The following PHACTR1 variants were observed in gnomAD, a reference collection of about 807,000 sequenced individuals.
The protein encoded by PHACTR1 is phosphatase and actin regulator 1, also known as RPEL repeat containing 1.
A neutral mutation model predicts 69.2 loss-of-function variants in PHACTR1; 16 were observed. The observed-to-expected ratio is 0.23, with a 90% CI of 0.16 to 0.35. The LOEUF is 0.35. Ranked by LOEUF, PHACTR1 falls within the 10% of genes least tolerant of loss-of-function variation. The probability of loss-of-function intolerance (pLI) is 1.00; values close to 1 mark genes in which losing one functional copy is unlikely to be tolerated. For synonymous variants in PHACTR1, 312 were observed against 284.5 expected (o/e 1.10, Z -0.97); for missense variants, 510 against 734.7 (o/e 0.69, Z 3.54).
intron 4 of PHACTR1, among the ~76,000 whole-genome samples, chr6:12,789,553 C>G (rs1230056200): frequency 1.3e-5 from 2 of 152,058 alleles, no homozygotes; most frequent in Admixed American, 1.3e-4. Context: ...CTCTTCCAGA[C>G]TCTATACTCA....
intron 4 of PHACTR1, among the ~76,000 whole-genome samples, chr6:13,031,431 A>G (rs1168578172): frequency 6.6e-6 from 1 of 152,262 alleles, no homozygotes; most frequent in African/African-American, 2.4e-5. Flanking sequence ...AGCAACATTG[A>G]ATGTGGTTAT....
chr6:12,876,380 C>T (rs1489507179), intron 4 of PHACTR1, among the ~76,000 whole-genome samples: 2 of 152,208 alleles, frequency 1.3e-5, no homozygotes, highest in East Asian at 3.8e-4. Flanking sequence ...ATATCATTAT[C>T]ATTCCCAGTT....
Position 13,079,543 on chromosome 6 carries a change from G to A in PHACTR1, c.415+26014G>A, listed in dbSNP as rs200424180. Among the ~76,000 whole-genome samples the A allele has an allele frequency of 3.9e-5, 6 of 152,106 alleles. No individual in the cohort carries two copies. In the East Asian group the frequency reaches 7.8e-4, roughly 20 times the overall value. On this transcript the variant is annotated intron_variant, in intron 5 of 14. Coordinates refer to ENST00000332995, the MANE Select transcript of PHACTR1 (RefSeq NM_030948.6). ...TCACTCCTCTCGCTACAGGAGACACGCAGATAGACGGCACTGGGATTGCTG... is the reference window on the plus strand; with the variant it reads ...TCACTCCTCTCGCTACAGGAGACACACAGATAGACGGCACTGGGATTGCTG...
Position 12,953,618 on chromosome 6 carries a change from C to A in PHACTR1, c.251-99747C>A, listed in dbSNP as rs1582670951. 2.6e-5 allele frequency among the ~76,000 whole-genome samples: 4 copies of A among 152,154 alleles called. No individual in the cohort carries two copies. The South Asian group carries it at 8.3e-4, about 31-fold the overall frequency. ...AAAGAATGAAACTGTATTCAAGATGCCACAGCTATTAGAAATTGGGGATAT... is the reference window on the plus strand; with the variant it reads ...AAAGAATGAAACTGTATTCAAGATGACACAGCTATTAGAAATTGGGGATAT... On this transcript the variant is annotated intron_variant, in intron 4 of 14. Coordinates refer to ENST00000332995, the MANE Select transcript of PHACTR1 (RefSeq NM_030948.6).
intron 5 of PHACTR1, among the ~76,000 whole-genome samples, chr6:13,126,553 G>A (rs1819559286): frequency 6.6e-6 from 1 of 152,118 alleles, no homozygotes; most frequent in Admixed American, 6.5e-5. Context: ...GGCCCACAGT[G>A]GTATCCAAGC....
chr6:12,916,158 C>G (rs1786966684), intron 4 of PHACTR1, among the ~76,000 whole-genome samples: 1 of 152,152 alleles, frequency 6.6e-6, no homozygotes, highest in Non-Finnish European at 1.5e-5. Flanking sequence ...TAAAACGAAA[C>G]AAAACCACCC....
chr6:12,830,185 A>C (rs1484340509), intron 4 of PHACTR1, among the ~76,000 whole-genome samples: 1 of 151,400 alleles, frequency 6.6e-6, no homozygotes, highest in African/African-American at 2.4e-5. Context: ...AAGACACTCC[A>C]TGTATTTAAT....
intron 5 of PHACTR1, among the ~76,000 whole-genome samples, chr6:13,061,924 C>T (rs1031414925): frequency 2.6e-5 from 4 of 152,120 alleles, no homozygotes; most frequent in Admixed American, 6.6e-5. Context: ...ATGTTTCGCT[C>T]CAGCTATTAG....
chr6:13,080,080 A>G (rs1315337887), intron 5 of PHACTR1, among the ~76,000 whole-genome samples: 1 of 152,114 alleles, frequency 6.6e-6, no homozygotes, highest in Non-Finnish European at 1.5e-5. Context: ...AGTTTTGTAT[A>G]AGAAACATGC....
chr6:12,830,333 GAAA>G (rs11434951), intron 4 of PHACTR1, among the ~76,000 whole-genome samples: 1 of 139,866 alleles, frequency 7.1e-6, no homozygotes. Context: ...AAGGGCTTTA[GAAA>G]AAAAAAAAAA....
intron 4 of PHACTR1, among the ~76,000 whole-genome samples, chr6:13,040,149 A>G (rs1287118086): frequency 6.6e-6 from 1 of 152,154 alleles, no homozygotes; most frequent in Non-Finnish European, 1.5e-5. Context: ...TGTACACTAA[A>G]TGCTTAACTA....
At chr6:13,176,140 T>C (rs1761289720) in intron 6 of PHACTR1, among the ~76,000 whole-genome samples, 1 of 152,184 alleles carries the variant, frequency 6.6e-6, no homozygotes, top group African/African-American at 2.4e-5. Context: ...CAAGCTATTA[T>C]TGTTTTAGTG....
intron 4 of PHACTR1, among the ~76,000 whole-genome samples, chr6:12,987,325 T>C (rs1796309396): frequency 6.6e-6 from 1 of 152,158 alleles, no homozygotes. Flanking sequence ...ATGTAACAAG[T>C]CAGAGAAGAA....
chr6:13,037,087 A>G (rs143889450), intron 4 of PHACTR1, among the ~76,000 whole-genome samples: 4 of 152,282 alleles, frequency 2.6e-5, no homozygotes, highest in Non-Finnish European at 2.9e-5. Flanking sequence ...AAATGTATCA[A>G]TGAGGCAGGC....
At chr6:12,803,139 G>T (rs1041327030) in intron 4 of PHACTR1, among the ~76,000 whole-genome samples, 1 of 152,116 alleles carries the variant, frequency 6.6e-6, no homozygotes, top group African/African-American at 2.4e-5. Context: ...CACTGCTCAA[G>T]AACTGTGCAC....
At chr6:12,771,669 G>A (rs1486823488) in intron 4 of PHACTR1, among the ~76,000 whole-genome samples, 5 of 152,186 alleles carry the variant, frequency 3.3e-5, no homozygotes, top group Non-Finnish European at 7.3e-5. Context: ...TTACCCGACT[G>A]TAACTTAAAA....
chr6:12,899,806 T>C (rs188457595), intron 4 of PHACTR1, among the ~76,000 whole-genome samples: 17 of 152,368 alleles, frequency 1.1e-4, no homozygotes, highest in Non-Finnish European at 1.8e-4. Context: ...AACTGCTTTT[T>C]TCCAGCATGG....
chr6:12,777,242 T>TA (rs1770186649), intron 4 of PHACTR1, among the ~76,000 whole-genome samples: 1 of 75,874 alleles, frequency 1.3e-5, no homozygotes, highest in African/African-American at 4.4e-5. Flanking sequence ...TATATATATA[T>TA]TTTTTTAATT....
chr6:12,758,418 ACCACGCCATTGC>A (rs1157892896), intron 4 of PHACTR1, among the ~76,000 whole-genome samples: 9 of 147,890 alleles, frequency 6.1e-5, no homozygotes, highest in Non-Finnish European at 1.2e-4. Context: ...GTGAGCAGAG[ACCACGCCATTGC>A]CCTCCAGCCT....
Sources: allele counts gnomAD v4.1 joint callset (sites outside exome capture counted in the v4.1 genomes callset), GRCh38; gene constraint gnomAD v4.1.1; transcripts MANE v1.5; gene names NCBI Gene and HGNC (gene_info 2026-07-23, HGNC 2026-07-21).